The following SCHIP1 variants were observed in gnomAD, a reference collection of about 807,000 sequenced individuals.
The protein encoded by SCHIP1 is schwannomin-interacting protein 1.
A neutral mutation model predicts 29.7 loss-of-function variants in SCHIP1; 8 were observed. That is an observed-to-expected ratio of 0.27 (90% CI 0.16 to 0.49). The LOEUF is 0.49. Ranked by LOEUF, SCHIP1 falls within the 20% of genes least tolerant of loss-of-function variation. The pLI is 0.99. For synonymous variants in SCHIP1, 76 were observed against 94.9 expected, an observed-to-expected ratio of 0.80 and a Z score of 1.16; for missense variants, 193 against 294.6, an observed-to-expected ratio of 0.66 and a Z score of 2.52.
At chr3:159,512,544 T>C in the SCHIP1 span, among the ~76,000 whole-genome samples, 2 of 152,208 alleles carry the variant, frequency 1.3e-5, no homozygotes, top group Non-Finnish European at 2.9e-5. Flanking sequence ...AGTCATACAG[T>C]GGAATTCAGC....
chr3:159,882,408 T>C (rs1716537573), intron 2 of SCHIP1, among the ~76,000 whole-genome samples: 1 of 152,202 alleles, frequency 6.6e-6, no homozygotes, highest in Non-Finnish European at 1.5e-5. Flanking sequence ...AAGCAGGTGC[T>C]GGGAGATTCC....
At chr3:159,382,951 GTTGT>G in the SCHIP1 span, among the ~76,000 whole-genome samples, 16 of 150,164 alleles carry the variant, frequency 1.1e-4, no homozygotes, top group East Asian at 3.9e-4. Flanking sequence ...TTTTGATGGG[GTTGT>G]TTGTTTTTTT....
At chr3:159,854,062 A>C (rs1713021166) in intron 1 of SCHIP1, among the ~76,000 whole-genome samples, 1 of 152,202 alleles carries the variant, frequency 6.6e-6, no homozygotes, top group Non-Finnish European at 1.5e-5. Context: ...GTATATGCTT[A>C]TCTGTCCACA....
the SCHIP1 span, among the ~76,000 whole-genome samples, chr3:159,526,086 A>G: frequency 6.6e-6 from 1 of 152,174 alleles, no homozygotes; most frequent in African/African-American, 2.4e-5. Flanking sequence ...TATGTTCAAT[A>G]TATTTGTCTT....
At chr3:159,534,545 G>A in the SCHIP1 span, among the ~76,000 whole-genome samples, 5 of 152,064 alleles carry the variant, frequency 3.3e-5, no homozygotes, top group African/African-American at 1.2e-4. Context: ...TGCTTCTCAA[G>A]TTGCCTTGGG....
chr3:159,488,577 A>G, the SCHIP1 span, among the ~76,000 whole-genome samples: 2 of 152,190 alleles, frequency 1.3e-5, no homozygotes, highest in Non-Finnish European at 2.9e-5. Context: ...TGAGAGACAG[A>G]TGGCTCTCTC....
At chr3:159,769,999 A>G in the SCHIP1 span, among the ~76,000 whole-genome samples, 2 of 152,296 alleles carry the variant, frequency 1.3e-5, no homozygotes, top group South Asian at 4.1e-4. Flanking sequence ...TCTGATTTCT[A>G]TGTTATAGAT....
At chr3:159,336,562 G>A in the SCHIP1 span, among the ~76,000 whole-genome samples, 2 of 152,088 alleles carry the variant, frequency 1.3e-5, no homozygotes, top group East Asian at 1.9e-4. Context: ...TTCTACATAT[G>A]GCTAGCCAGT....
chr3:159,604,786 A>G, the SCHIP1 span, among the ~76,000 whole-genome samples: 5 of 152,352 alleles, frequency 3.3e-5, no homozygotes, highest in Admixed American at 2.0e-4. Flanking sequence ...AATATTTGGC[A>G]TGACATGTAT....
chr3:159,746,747 T>C, the SCHIP1 span, among the ~76,000 whole-genome samples: 1 of 152,212 alleles, frequency 6.6e-6, no homozygotes, highest in East Asian at 1.9e-4. Flanking sequence ...AGCTATTCTA[T>C]ACCAAACTGC....
chr3:159,276,880 C>G, the SCHIP1 span, among the ~76,000 whole-genome samples: 2 of 152,156 alleles, frequency 1.3e-5, no homozygotes, highest in African/African-American at 4.8e-5. Context: ...AGTACACATC[C>G]AGGCAGCCAG....
chr3:159,740,193 C>G, the SCHIP1 span, among the ~76,000 whole-genome samples: 1 of 152,216 alleles, frequency 6.6e-6, no homozygotes. Context: ...TGGAGAACAA[C>G]TCAATTCTCA....
At chr3:159,573,516 A>G in the SCHIP1 span, among the ~76,000 whole-genome samples, 1 of 152,172 alleles carries the variant, frequency 6.6e-6, no homozygotes, top group East Asian at 1.9e-4. Flanking sequence ...GGGTAACTCG[A>G]TCTTCCTCTC....
At chr3:159,858,482 GT>G (rs2109179586) in intron 1 of SCHIP1, among the ~76,000 whole-genome samples, 1 of 152,262 alleles carries the variant, frequency 6.6e-6, no homozygotes, top group African/African-American at 2.4e-5. Context: ...ATATTCAAGT[GT>G]TGTGGACTCT....
At chr3:159,715,897 G>C in the SCHIP1 span, among the ~76,000 whole-genome samples, 187 of 152,282 alleles carry the variant, frequency 1.2e-3, no homozygotes, top group African/African-American at 4.4e-3. Context: ...GAAATAGAGA[G>C]AATGCCACAA....
intron 1 of SCHIP1, among the ~76,000 whole-genome samples, chr3:159,859,990 T>G (rs891515380): frequency 6.6e-5 from 10 of 151,382 alleles, no homozygotes; most frequent in African/African-American, 2.4e-4. Flanking sequence ...TGTGTGTGTG[T>G]GTGTGCGTGT....
At chr3:159,300,394 C>A in the SCHIP1 span, among the ~76,000 whole-genome samples, 1 of 151,862 alleles carries the variant, frequency 6.6e-6, no homozygotes, top group Non-Finnish European at 1.5e-5. Flanking sequence ...TTTTAACCAA[C>A]ACTTCAATAG....
the SCHIP1 span, among the ~76,000 whole-genome samples, chr3:159,483,894 G>T: frequency 2.6e-5 from 4 of 152,152 alleles, no homozygotes; most frequent in African/African-American, 9.7e-5. Context: ...ATGATGATGT[G>T]ATAAGTGGAA....
intron 1 of SCHIP1, among the ~76,000 whole-genome samples, chr3:159,844,763 G>T (rs1302702998): frequency 6.6e-6 from 1 of 152,150 alleles, no homozygotes; most frequent in Non-Finnish European, 1.5e-5. Flanking sequence ...TGGGGTTTTG[G>T]GATAAGTGTG....
Sources: allele counts gnomAD v4.1 joint callset (sites outside exome capture counted in the v4.1 genomes callset), GRCh38; gene constraint gnomAD v4.1.1; transcripts MANE v1.5; gene names NCBI Gene and HGNC (gene_info 2026-07-23, HGNC 2026-07-21).